B3GLCT: variants seen among roughly 807,000 people sequenced by gnomAD.
B3GLCT encodes the protein beta 3-glucosyltransferase.
B3GLCT carries 65 observed loss-of-function variants against 63.4 expected under a neutral mutation model. The ratio of observed to expected loss-of-function variants is 1.03; its 90% confidence interval spans 0.84 to 1.26. The LOEUF is 1.26. Among genes scored for constraint, B3GLCT ranks in the 50% most tolerant of loss-of-function variants. The probability of loss-of-function intolerance (pLI) is 0.00; values close to 1 mark genes in which losing one functional copy is unlikely to be tolerated. For synonymous variants in B3GLCT, 233 were observed against 219.2 expected (o/e 1.06, Z -0.55); for missense variants, 577 against 604.8 (o/e 0.95, Z 0.48).
At chr13:31,318,315 T>C (rs761878048) in intron 13 of B3GLCT, among the ~76,000 whole-genome samples, 7 of 152,156 alleles carry the variant, frequency 4.6e-5, no homozygotes, top group African/African-American at 7.2e-5. Flanking sequence ...TCAGTAGATA[T>C]TTGTTGCATG....
intron 14 of B3GLCT, among the ~76,000 whole-genome samples, chr13:31,325,223 C>T (rs998694387): frequency 2.6e-5 from 4 of 152,180 alleles, no homozygotes; most frequent in African/African-American, 7.2e-5. Flanking sequence ...AAACCTCCTT[C>T]CTGGTGTCAG....
chr13:31,296,337 G>A (rs1172571658), intron 12 of B3GLCT, among the ~76,000 whole-genome samples: 1 of 152,226 alleles, frequency 6.6e-6, no homozygotes, highest in African/African-American at 2.4e-5. Context: ...CTAGAAGCCT[G>A]AGATCAGGGT....
rs1189941093 is a variant in B3GLCT, at chr13:31,330,539, T to TG, written c.*872dup. On this transcript the variant is annotated 3_prime_UTR_variant, in exon 15 of 15. Coordinates refer to ENST00000343307, the MANE Select transcript of B3GLCT (RefSeq NM_194318.4). ...AAATTTGGACCTTATGTTTTACTCT[T>TG]GTTTTTTTTTTTTTTTTAAATGTTA... 5.6e-5 allele frequency: 5 copies of TG among 89,604 alleles called. No individual in the cohort carries two copies. Among genetic ancestry groups the TG allele is most frequent in the Admixed American group, 1.2e-4 (1 of 8,004 alleles). 5.6% of individuals were successfully genotyped at this position (89,604 alleles called of 1,614,324 possible). A position where few individuals can be genotyped will look rare whatever the true frequency, so the allele number is the denominator to read the frequency against.
intron 1 of B3GLCT, among the ~76,000 whole-genome samples, chr13:31,205,079 CTGAG>C (rs1467660554): frequency 6.6e-6 from 1 of 151,938 alleles, no homozygotes; most frequent in Non-Finnish European, 1.5e-5. Context: ...GGAGGTGAAG[CTGAG>C]TAAGTTCAGT....
intron 12 of B3GLCT, chr13:31,312,561 AG>A (rs1326745590): frequency 6.6e-6 from 1 of 152,224 alleles, no homozygotes; most frequent in East Asian, 1.9e-4. Flanking sequence ...AAGAGACCAA[AG>A]AAAGAGTAAA....
chr13:31,295,376 G>T (rs1282484914), intron 12 of B3GLCT, among the ~76,000 whole-genome samples: 1 of 152,104 alleles, frequency 6.6e-6, no homozygotes, highest in African/African-American at 2.4e-5. Flanking sequence ...TTCAGAGCCG[G>T]CAGGCATGAA....
chr13:31,325,809 A>AATAT (rs1491586798), intron 14 of B3GLCT, among the ~76,000 whole-genome samples: 1 of 152,230 alleles, frequency 6.6e-6, no homozygotes, highest in Non-Finnish European at 1.5e-5. Flanking sequence ...TATGAGGCAA[A>AATAT]GAGATAAAAT....
rs536943211 is a variant in B3GLCT, at chr13:31,214,458, T to A, written c.71-593T>A. On this transcript the variant is annotated intron_variant, in intron 1 of 14. Transcript: ENST00000343307. ...GGCTCTGACTCCAAACATTCATTCA[T>A]TCTAAATGGAGAATGATTTTAATTC... Among the ~76,000 whole-genome samples, 17 of 152,352 alleles carry A rather than the reference T, an allele frequency of 1.1e-4. No individual in the cohort carries two copies. In the East Asian group the frequency reaches 3.1e-3, roughly 28 times the overall value.
intron 12 of B3GLCT, among the ~76,000 whole-genome samples, chr13:31,292,422 T>G (rs1303273626): frequency 6.6e-6 from 1 of 152,232 alleles, no homozygotes; most frequent in African/African-American, 2.4e-5. Flanking sequence ...GGAATTCGGC[T>G]GTGAGTCTGT....
intron 3 of B3GLCT, 54 bp from the exon 4 acceptor site, chr13:31,229,131 A>G: frequency 8.5e-7 from 1 of 1,175,810 alleles, no homozygotes; most frequent in Non-Finnish European, 1.2e-6. Flanking sequence ...TTTCAAGTTT[A>G]TTTTAATAAT....
Position 31,284,517 on chromosome 13 carries a change from C to G in B3GLCT, c.851-131C>G, listed in dbSNP as rs1593296412. On this transcript the variant is annotated intron_variant, in intron 10 of 14. Transcript: ENST00000343307. ...GGCATTTCTCAGGGTTGGAAGCAAGCAACTCTTGGAACACCTGAAGAACAA... is the reference window on the plus strand; with the variant it reads ...GGCATTTCTCAGGGTTGGAAGCAAGGAACTCTTGGAACACCTGAAGAACAA... The G allele has an allele frequency of 7.1e-6, 5 of 702,568 alleles. No individual in the cohort carries two copies. In the East Asian group the frequency reaches 1.4e-4, roughly 19 times the overall value. The allele number at this position is 702,568 out of a possible 1,614,324, so 43.5% of individuals were successfully genotyped here. A position where few individuals can be genotyped will look rare whatever the true frequency, so the allele number is the denominator to read the frequency against.
intron 1 of B3GLCT, among the ~76,000 whole-genome samples, chr13:31,211,739 A>G (rs3843694): frequency 1 from 151,920 of 152,314 alleles, 75,764 homozygotes; most frequent in Middle Eastern, 1. Context: ...TTTATTTGAC[A>G]TATTGGCAAT....
intron 8 of B3GLCT, among the ~76,000 whole-genome samples, chr13:31,272,903 T>C (rs111813297): frequency 0.016 from 2,390 of 152,308 alleles, 61 homozygotes; most frequent in African/African-American, 0.055. Flanking sequence ...TTGAATCCTT[T>C]TTATTCCTCC....
intron 12 of B3GLCT, among the ~76,000 whole-genome samples, chr13:31,294,135 C>T (rs551177729): frequency 6.6e-6 from 1 of 152,288 alleles, no homozygotes; most frequent in South Asian, 2.1e-4. Flanking sequence ...AATATTGGCA[C>T]CCATTCTCTT....
chr13:31,225,741 G>A (rs1870066527), intron 3 of B3GLCT, among the ~76,000 whole-genome samples: 1 of 152,076 alleles, frequency 6.6e-6, no homozygotes, highest in Admixed American at 6.5e-5. Context: ...CCTCTGTGGG[G>A]AGGGTCTTCC....
At chr13:31,290,846 C>T (rs1451850986) in intron 12 of B3GLCT, among the ~76,000 whole-genome samples, 2 of 152,054 alleles carry the variant, frequency 1.3e-5, no homozygotes, top group Non-Finnish European at 2.9e-5. Flanking sequence ...TTTTGCTGTG[C>T]AGTAGCTCTT....
intron 5 of B3GLCT, 119 bp downstream of exon 5, chr13:31,247,218 GT>G: frequency 1.2e-6 from 1 of 806,294 alleles, no homozygotes; most frequent in Non-Finnish European, 2.1e-6. Flanking sequence ...GTAAATTTGA[GT>G]TTTACTTTTT....
At chr13:31,297,785 G>T (rs1205116440) in intron 12 of B3GLCT, among the ~76,000 whole-genome samples, 2 of 152,126 alleles carry the variant, frequency 1.3e-5, no homozygotes, top group Non-Finnish European at 2.9e-5. Context: ...TCCTCTGTGG[G>T]TTTATTTAAT....
At chr13:31,298,849 G>A (rs1243954904) in intron 12 of B3GLCT, among the ~76,000 whole-genome samples, 1 of 152,216 alleles carries the variant, frequency 6.6e-6, no homozygotes, top group African/African-American at 2.4e-5. Context: ...GCTAAGCGGG[G>A]TGAAGGAGCA....
Sources: allele counts gnomAD v4.1 joint callset (sites outside exome capture counted in the v4.1 genomes callset), GRCh38; gene constraint gnomAD v4.1.1; transcripts MANE v1.5; gene names NCBI Gene and HGNC (gene_info 2026-07-23, HGNC 2026-07-21).